ZNF268: variants seen among roughly 807,000 people sequenced by gnomAD.
The protein encoded by ZNF268 is zinc finger protein 268, also known as zinc finger protein 3.
Under a neutral mutation model 29.3 loss-of-function variants are expected in ZNF268, and 20 were observed. That is an observed-to-expected ratio of 0.68 (90% confidence interval 0.48 to 0.99). ZNF268 has a LOEUF of 0.99. Among genes scored for constraint, ZNF268 ranks in the 50% least tolerant of loss-of-function variants. ZNF268 has a pLI of 0.00. For missense variants in ZNF268, 1,240 were observed against 1,121.6 expected (o/e 1.11, Z -1.51); for synonymous variants, 429 against 376.9 (o/e 1.14, Z -1.60).
rs147914180 is a variant in ZNF268, at chr12:133,186,910, A to G, written c.34-962A>G. Among the ~76,000 whole-genome samples, 551 of 152,292 alleles carry G rather than the reference A, an allele frequency of 3.6e-3. 2 individuals are homozygous for G. Among genetic ancestry groups the G allele is most frequent in the African/African-American group, 0.012 (514 of 41,552 alleles). ...CAATCCCACTTCTTTTTTGTAACAC[A>G]AAAGCTAGCTTTCTGTACGTACTAT... is the stretch of plus-strand genomic sequence containing the variant. On this transcript the variant is annotated intron_variant, in intron 2 of 5. Coordinates refer to ENST00000536435, the MANE Select transcript of ZNF268 (RefSeq NM_003415.3).
In ZNF268 at chr12:133,207,858, T is replaced by C. The variant is rs919578588; in HGVS notation, c.*3328T>C. On this transcript the variant is annotated 3_prime_UTR_variant, in exon 6 of 6. Coordinates refer to ENST00000536435, the MANE Select transcript of ZNF268 (RefSeq NM_003415.3). ...GATTTAATATTAGAAAATATTTTAA[T>C]TAACTACCAGATAAAACTCATAAGG... 6.6e-6 allele frequency: 1 copy of C among 152,150 alleles called. No homozygotes were observed. The highest frequency in any genetic ancestry group is 1.5e-5 in the Non-Finnish European group (1 of 68,030). 9.4% of individuals were successfully genotyped at this position (152,150 alleles called of 1,614,324 possible). A position where few individuals can be genotyped will look rare whatever the true frequency, so the allele number is the denominator to read the frequency against.
chr12:133,198,388 A>T (rs1202659314), intron 5 of ZNF268, among the ~76,000 whole-genome samples: 1 of 150,274 alleles, frequency 6.7e-6, no homozygotes, highest in African/African-American at 2.5e-5. Context: ...TGTTCCATTG[A>T]TCTATATCTC....
chr12:133,191,336 A>G (rs1956467899), intron 3 of ZNF268, 153 bp from the exon 4 acceptor site: 3 of 822,254 alleles, frequency 3.6e-6, no homozygotes, highest in African/African-American at 1.7e-5. Context: ...AAAAAAAGAA[A>G]GAAAGATGAC....
Position 133,209,637 on chromosome 12 carries a change from C to T in ZNF268, c.*5107C>T, listed in dbSNP as rs1383890576. 2 of 152,058 alleles carry T rather than the reference C, an allele frequency of 1.3e-5. No homozygotes were observed. The highest frequency in any genetic ancestry group is 4.8e-5 in the African/African-American group (2 of 41,382). The allele number at this position is 152,058 out of a possible 1,614,324, so 9.4% of individuals were successfully genotyped here. A position where few individuals can be genotyped will look rare whatever the true frequency, so the allele number is the denominator to read the frequency against. On this transcript the variant is annotated 3_prime_UTR_variant, in exon 6 of 6. Coordinates refer to ENST00000536435, the MANE Select transcript of ZNF268 (RefSeq NM_003415.3). ...ATGACTTGAGGTCAGGAGTTCGAGA[C>T]CAGCCTGGTGAAACCCCGTCTCTAC...
Position 133,203,571 on chromosome 12 carries a change from G to T in ZNF268, c.1885G>T (p.Val629Leu). The T allele has an allele frequency of 6.4e-7, 1 of 1,564,678 alleles. No individual in the cohort carries two copies. The highest frequency in any genetic ancestry group is 2.4e-5 in the East Asian group (1 of 42,262). The change falls in exon 6 of 6, where the codon GTA becomes TTA. Residue 629 changes from valine (V) to leucine (L), a missense_variant. By Grantham distance (32) the Val-to-Leu change is conservative. Transcript: ENST00000536435. Reference protein sequence around the residue: ...KAFNTKSNLIVHQRTHTGEKP... With the variant: ...KAFNTKSNLILHQRTHTGEKP... ...CTTTAATACAAAGTCAAACCTGATT[G>T]TACATCAGAGAACTCATACAGGAGA...
At position 133,202,978 on chromosome 12, in the gene ZNF268, T is replaced by G. The variant is rs567462605; in HGVS notation, c.1292T>G (p.Leu431Arg). Residue 431 changes from leucine (L) to arginine (R), a missense_variant, in exon 6 of 6, where the codon CTT becomes CGT. By Grantham distance (102) the Leu-to-Arg change is moderately radical. Transcript: ENST00000536435. Reference sequence around the variant, plus strand: ...AAAGCCTTTAATACAAAGTCAAACCTTATGGTACATCAGAGAACCCATACA... The same window carrying G: ...AAAGCCTTTAATACAAAGTCAAACCGTATGGTACATCAGAGAACCCATACA... ...CQKAFNTKSN[L>R]MVHQRTHTGE... 90 of 1,548,748 alleles carry G rather than the reference T, an allele frequency of 5.8e-5. No homozygotes were observed. In the African/African-American group the frequency reaches 9.8e-4, roughly 17 times the overall value.
Position 133,204,632 on chromosome 12 carries a change from C to A in ZNF268, c.*102C>A, listed in dbSNP as rs951816189. 28 of 901,870 alleles carry A rather than the reference C, an allele frequency of 3.1e-5. No individual in the cohort carries two copies. The African/African-American group carries it at 4.1e-4, about 13-fold the overall frequency. The allele number at this position is 901,870 out of a possible 1,614,324, so 55.9% of individuals were successfully genotyped here. ...AATCATCTTGTCATCTTCCAGAAAA[C>A]TCATACTGAATAGAAACTTTATGAA... On this transcript the variant is annotated 3_prime_UTR_variant, in exon 6 of 6. Coordinates refer to ENST00000536435, the MANE Select transcript of ZNF268 (RefSeq NM_003415.3).
At position 133,181,802 on chromosome 12, in the gene ZNF268, G is replaced by T. The variant is rs1178660268; in HGVS notation, c.-53+116G>T. On this transcript the variant is annotated intron_variant, in intron 1 of 5. Coordinates refer to ENST00000536435, the MANE Select transcript of ZNF268 (RefSeq NM_003415.3). The stretch of plus-strand genomic sequence containing the variant: ...GACCCTAACCTGTGTGTTGGTGAGG[G>T]TGTGGAGATGGTGAATCCCGTGCTG... The T allele has an allele frequency of 7.1e-5, 44 of 621,648 alleles. 1 individual carries two copies. The South Asian group carries it at 7.4e-4, about 10-fold the overall frequency. 38.5% of individuals were successfully genotyped at this position (621,648 alleles called of 1,614,324 possible).
At chr12:133,183,518 G>A (rs2135480562) in intron 2 of ZNF268, among the ~76,000 whole-genome samples, 1 of 151,898 alleles carries the variant, frequency 6.6e-6, no homozygotes, top group Middle Eastern at 3.4e-3. Flanking sequence ...AAAAAGGAGA[G>A]GAGGTAAAGA....
chr12:133,196,475 T>A (rs1388261460), intron 5 of ZNF268, among the ~76,000 whole-genome samples: 1 of 152,062 alleles, frequency 6.6e-6, no homozygotes, highest in Non-Finnish European at 1.5e-5. Context: ...ACACATTAGA[T>A]TTCCAATGAC....
chr12:133,202,335 A>C lies in ZNF268; in HGVS notation c.649A>C (p.Ser217Arg). 1 of 1,611,716 alleles carries C rather than the reference A, an allele frequency of 6.2e-7. No homozygotes were observed. Among genetic ancestry groups the C allele is most frequent in the African/African-American group, 1.3e-5 (1 of 74,960 alleles). Residue 217 changes from serine (S) to arginine (R), a missense_variant, in exon 6 of 6, where the codon AGT (serine) becomes CGT (arginine). Physicochemically the swap from Ser to Arg is moderately radical, Grantham distance 110 (BLOSUM62 -1). Transcript: ENST00000536435. ...GAGTTTGAAATATATAGATTTCACTAGTGATTATGCTAGAAATAATCCTAA... is the reference window on the plus strand; with the variant it reads ...GAGTTTGAAATATATAGATTTCACTCGTGATTATGCTAGAAATAATCCTAA... ...GKSLKYIDFT[S>R]DYARNNPNGF...
intron 3 of ZNF268, 145 bp downstream of exon 3, chr12:133,188,217 G>C (rs1566366553): frequency 4.1e-6 from 3 of 726,860 alleles, no homozygotes; most frequent in East Asian, 5.4e-5. Context: ...TTTTTTTTGA[G>C]ACAGGGTCTT....
At chr12:133,184,035 TCA>T (rs1407669874) in intron 2 of ZNF268, among the ~76,000 whole-genome samples, 1 of 152,156 alleles carries the variant, frequency 6.6e-6, no homozygotes, top group Admixed American at 6.5e-5. Context: ...TACTACTTTC[TCA>T]CAATTCTGGA....
chr12:133,193,562 G>A, intron 5 of ZNF268: 2 of 632,976 alleles, frequency 3.2e-6, no homozygotes, highest in South Asian at 1.9e-5. Flanking sequence ...CAGAAAGAGG[G>A]GCAAAAAAGG....
chr12:133,203,826 C>T lies in ZNF268; in HGVS notation c.2140C>T (p.His714Tyr). Residue 714 changes from histidine (H) to tyrosine (Y), a missense_variant, in exon 6 of 6, where the codon CAT becomes TAT. This residue lies in a region of ZNF268 where 1,177 missense variants were observed against 1,039.6 expected (regional missense o/e 1.13). Coordinates refer to ENST00000536435, the MANE Select transcript of ZNF268 (RefSeq NM_003415.3). ...AFRSKSYLIIHMRTHTGEKPH... is the reference protein window; with the variant it reads ...AFRSKSYLIIYMRTHTGEKPH... ...CAGGAGCAAGTCATACCTTATTATA[C>T]ATATGAGAACTCATACAGGAGAGAA... The T allele has an allele frequency of 6.4e-7, 1 of 1,562,886 alleles. No individual in the cohort carries two copies. Among genetic ancestry groups the T allele is most frequent in the Non-Finnish European group, 8.6e-7 (1 of 1,160,470 alleles).
chr12:133,188,665 A>G (rs1370094209), intron 3 of ZNF268, among the ~76,000 whole-genome samples: 4 of 151,292 alleles, frequency 2.6e-5, no homozygotes, highest in Non-Finnish European at 5.9e-5. Flanking sequence ...CGTAATATGT[A>G]TTGTTCGGGA....
At position 133,181,514 on chromosome 12, in the gene ZNF268, G is replaced by A. The variant is rs11147282; in HGVS notation, c.-225G>A. ...TGCGACATACGTAGCGGCCGCCATT[G>A]TTCCGCGCCGATGGCGAGATCCTTG... On this transcript the variant is annotated 5_prime_UTR_variant, in exon 1 of 6. Transcript: ENST00000536435. The A allele has an allele frequency of 0.22, 34,171 of 153,756 alleles. 4,575 individuals carry two copies. The highest frequency in any genetic ancestry group is 0.3 in the Non-Finnish European group (20,426 of 69,066). The allele number at this position is 153,756 out of a possible 1,614,324, so 9.5% of individuals were successfully genotyped here. A position where few individuals can be genotyped will look rare whatever the true frequency, so the allele number is the denominator to read the frequency against.
Position 133,214,820 on chromosome 12 carries a change from C to A in ZNF268, c.*10290C>A, listed in dbSNP as rs1449160747. 1 of 152,182 alleles carries A rather than the reference C, an allele frequency of 6.6e-6. No individual in the cohort carries two copies. Among genetic ancestry groups the A allele is most frequent in the Non-Finnish European group, 1.5e-5 (1 of 68,030 alleles). The allele number at this position is 152,182 out of a possible 1,614,324, so 9.4% of individuals were successfully genotyped here. A position where few individuals can be genotyped will look rare whatever the true frequency, so the allele number is the denominator to read the frequency against. On this transcript the variant is annotated 3_prime_UTR_variant, in exon 6 of 6. Transcript: ENST00000536435. ...GTAAATTTTACCTCAATAAAAAAATCTAGTCCACAGCATTCCCTCACCAGG... is the reference window on the plus strand; with the variant it reads ...GTAAATTTTACCTCAATAAAAAAATATAGTCCACAGCATTCCCTCACCAGG...
chr12:133,190,848 T>G (rs1468655490), intron 3 of ZNF268, among the ~76,000 whole-genome samples: 3 of 152,206 alleles, frequency 2.0e-5, no homozygotes, highest in African/African-American at 7.2e-5. Flanking sequence ...TGCTAAAAGC[T>G]TCTTGGTGGC....
Sources: gnomAD v4.1 joint callset for allele counts (sites outside exome capture counted in the v4.1 genomes callset) on GRCh38, gnomAD v4.1.1 for gene constraint, gnomAD v4.1.1 regional missense constraint, MANE v1.5 for transcripts, NCBI Gene and HGNC (gene_info 2026-07-23, HGNC 2026-07-21) for gene names.